Variants in CAV2 observed in about 807,000 individuals in gnomAD.
CAV2 encodes the protein caveolin 2, also known as caveolin-2.
Under a neutral mutation model 15.5 loss-of-function variants are expected in CAV2, and 7 were observed. The ratio of observed to expected loss-of-function variants is 0.45; its 90% CI spans 0.26 to 0.85. The LOEUF (loss-of-function observed/expected upper bound fraction) is 0.85, where lower values mean the gene tolerates loss of function less well. CAV2 is among the 40% of genes least tolerant of loss of function. CAV2 has a pLI of 0.18. For missense variants in CAV2, 229 were observed against 208.8 expected, an observed-to-expected ratio of 1.10 and a Z score of -0.60; for synonymous variants, 76 against 83.1, an observed-to-expected ratio of 0.91 and a Z score of 0.46.
At position 116,508,373 on chromosome 7, in the gene CAV2, A is replaced by T. The variant is rs1000814774; in HGVS notation, c.*2252A>T. On this transcript the variant is annotated 3_prime_UTR_variant, in exon 3 of 3. Coordinates refer to ENST00000222693, the MANE Select transcript of CAV2 (RefSeq NM_001233.5). ...CTGAACAGTACTGGTTACTTTCAAA[A>T]TGAATTTTTATTGAGATTTTCCATT... 4 of 152,172 alleles carry T rather than the reference A, an allele frequency of 2.6e-5. No individual in the cohort carries two copies. Among genetic ancestry groups the T allele is most frequent in the Admixed American group, 2.6e-4 (4 of 15,282 alleles). 9.4% of individuals were successfully genotyped at this position (152,172 alleles called of 1,614,324 possible).
rs1477800820 is a variant in CAV2 at position 116,508,314 on chromosome 7, G to A, written c.*2193G>A. The A allele has an allele frequency of 6.6e-6, 1 of 151,914 alleles. No individual in the cohort carries two copies. Among genetic ancestry groups the A allele is most frequent in the African/African-American group, 2.4e-5 (1 of 41,366 alleles). The allele number at this position is 151,914 out of a possible 1,614,324, so 9.4% of individuals were successfully genotyped here. A position where few individuals can be genotyped will look rare whatever the true frequency, so the allele number is the denominator to read the frequency against. On this transcript the variant is annotated 3_prime_UTR_variant, in exon 3 of 3. Coordinates refer to ENST00000222693, the MANE Select transcript of CAV2 (RefSeq NM_001233.5). ...ATACACATAGTTCTGTAATAAAACT[G>A]TTTGACTTCTCAAGTAACATGACTT...
At chr7:116,500,763 GC>G in intron 2 of CAV2, 1 of 316,636 alleles carries the variant, frequency 3.2e-6, no homozygotes. Flanking sequence ...TGCTCTCGGG[GC>G]CCTGTTGTGA....
At chr7:116,500,234 G>T in intron 1 of CAV2, 26 bp from the exon 2 acceptor site, 1 of 1,605,532 alleles carries the variant, frequency 6.2e-7, no homozygotes, top group South Asian at 1.1e-5. Flanking sequence ...CTGACAGTTC[G>T]GGGTCCCTGC....
Sources: gnomAD v4.1 joint callset for allele counts on GRCh38, gnomAD v4.1.1 for gene constraint, MANE v1.5 for transcripts, NCBI Gene and HGNC (gene_info 2026-07-23, HGNC 2026-07-21) for gene names.